The following TRPM1 variants were observed in gnomAD, a reference collection of about 807,000 sequenced individuals.
TRPM1 encodes transient receptor potential cation channel subfamily M member 1.
Under a neutral mutation model 149.4 loss-of-function variants are expected in TRPM1, and 113 were observed. That is an observed-to-expected ratio of 0.76 (90% CI 0.65 to 0.88). The LOEUF (loss-of-function observed/expected upper bound fraction) is 0.88. Among genes scored for constraint, TRPM1 ranks in the 40% least tolerant of loss-of-function variants. The pLI is 0.00. For missense variants in TRPM1, 1,976 were observed against 2,038.7 expected (o/e 0.97, Z 0.59); for synonymous variants, 741 against 759.5 (o/e 0.98, Z 0.40).
At chr15:31,079,071 T>G (rs765298742) in intron 2 of TRPM1, among the ~76,000 whole-genome samples, 1 of 152,174 alleles carries the variant, frequency 6.6e-6, no homozygotes, top group African/African-American at 2.4e-5. Flanking sequence ...AGCACTGAGC[T>G]AAAATTAAAG....
intron 20 of TRPM1, among the ~76,000 whole-genome samples, chr15:31,037,197 A>G (rs185596806): frequency 3.3e-5 from 5 of 152,312 alleles, no homozygotes; most frequent in Admixed American, 3.3e-4. Flanking sequence ...CCAGGGCCTC[A>G]GAGAGGGCTG....
rs771840945 is a variant in TRPM1 at position 31,038,179 on chromosome 15, A to T, written c.2317-13T>A. 1.2e-6 allele frequency: 2 copies of T among 1,613,836 alleles called. No homozygotes were observed. Among genetic ancestry groups the T allele is most frequent in the Non-Finnish European group, 1.7e-6 (2 of 1,179,840 alleles). ...TCCCCATGATAACCTACGGAACATAAATTGATTTTTTAAGCTGTGGCAATT... is the reference window on the plus strand; with the variant it reads ...TCCCCATGATAACCTACGGAACATATATTGATTTTTTAAGCTGTGGCAATT... On this transcript the variant is annotated splice_polypyrimidine_tract_variant and intron_variant, in intron 18 of 27. Coordinates refer to ENST00000256552, the MANE Select transcript of TRPM1 (RefSeq NM_001252024.2).
intron 1 of TRPM1, among the ~76,000 whole-genome samples, chr15:31,111,153 G>A (rs140824922): frequency 1.0e-3 from 152 of 152,286 alleles, no homozygotes; most frequent in Middle Eastern, 3.4e-3. Flanking sequence ...CCTGGATCCT[G>A]CCATGAGTAA....
At chr15:31,099,591 C>T (rs913793909) in intron 1 of TRPM1, among the ~76,000 whole-genome samples, 2 of 152,188 alleles carry the variant, frequency 1.3e-5, no homozygotes, top group African/African-American at 2.4e-5. Flanking sequence ...TGTCATTTCA[C>T]TTCTTGTGCT....
At chr15:31,119,097 TG>T (rs1567066127) in intron 1 of TRPM1, among the ~76,000 whole-genome samples, 1 of 151,824 alleles carries the variant, frequency 6.6e-6, no homozygotes, top group African/African-American at 2.4e-5. Context: ...AAAAATTAGC[TG>T]GGCATGGTGG....
intron 1 of TRPM1, among the ~76,000 whole-genome samples, chr15:31,082,210 A>C (rs937291914): frequency 6.6e-6 from 1 of 152,176 alleles, no homozygotes; most frequent in Non-Finnish European, 1.5e-5. Flanking sequence ...GATACTGCCC[A>C]CTTGTGCAAA....
At chr15:31,026,073 T>G in intron 27 of TRPM1, 66 bp downstream of exon 27, 1 of 1,596,804 alleles carries the variant, frequency 6.3e-7, no homozygotes, top group African/African-American at 1.3e-5. Context: ...GCATCCCCCA[T>G]AGAGTGGGGC....
At chr15:31,039,647 TC>T (rs1163457290) in intron 18 of TRPM1, among the ~76,000 whole-genome samples, 2 of 152,226 alleles carry the variant, frequency 1.3e-5, no homozygotes, top group Non-Finnish European at 2.9e-5. Flanking sequence ...TTTCGTAGCT[TC>T]CTATTTTCTT....
At chr15:31,026,006 A>C (rs2032719649) in intron 27 of TRPM1, 133 bp downstream of exon 27, 5 of 1,349,450 alleles carry the variant, frequency 3.7e-6, no homozygotes, top group Non-Finnish European at 5.2e-6. Context: ...AACCACGTTA[A>C]AACCTAAAGT....
At position 31,145,017 on chromosome 15, in the gene TRPM1, C is replaced by T. The variant is rs542850553; in HGVS notation, c.54+15889G>A. ...AGGCGTGAGCCACCGCACCCAGCCCCGGCCTTGTTTTTGAGTTTTTATTAT... is the reference window on the plus strand; with the variant it reads ...AGGCGTGAGCCACCGCACCCAGCCCTGGCCTTGTTTTTGAGTTTTTATTAT... On this transcript the variant is annotated intron_variant, in intron 1 of 26. Coordinates refer to the TRPM1 transcript ENST00000542188. 5.9e-5 allele frequency among the ~76,000 whole-genome samples: 9 copies of T among 152,194 alleles called. No homozygotes were observed. In the East Asian group the frequency reaches 1.2e-3, roughly 20 times the overall value.
chr15:31,123,827 G>C (rs74010779), intron 1 of TRPM1, among the ~76,000 whole-genome samples: 1 of 152,130 alleles, frequency 6.6e-6, no homozygotes, highest in African/African-American at 2.4e-5. Context: ...CAGAAAATGG[G>C]CTCCTAGGCA....
At chr15:31,050,732 A>G (rs2033926540) in intron 11 of TRPM1, 150 bp from the exon 12 acceptor site, 2 of 831,284 alleles carry the variant, frequency 2.4e-6, no homozygotes, top group Middle Eastern at 3.3e-4. Context: ...CAGTGCACAC[A>G]TATGCCCACA....
At chr15:31,081,144 G>C (rs955967424) in intron 2 of TRPM1, among the ~76,000 whole-genome samples, 2 of 152,214 alleles carry the variant, frequency 1.3e-5, no homozygotes, top group Admixed American at 1.3e-4. Flanking sequence ...CCGAAAAGGA[G>C]GGCTTTTCAT....
chr15:31,029,477 A>C (rs1251478586), intron 23 of TRPM1, 86 bp from the exon 24 acceptor site: 7 of 1,348,182 alleles, frequency 5.2e-6, no homozygotes, highest in Non-Finnish European at 7.4e-6. Flanking sequence ...GGTTGAGAGA[A>C]AAGTAAAACA....
chr15:31,107,092 C>T (rs371511921), intron 1 of TRPM1, among the ~76,000 whole-genome samples: 72 of 152,264 alleles, frequency 4.7e-4, no homozygotes, highest in Middle Eastern at 6.8e-3. Context: ...AATGACTCCC[C>T]GCCACTTATA....
intron 1 of TRPM1, among the ~76,000 whole-genome samples, chr15:31,156,685 T>C (rs2036381928): frequency 1.3e-5 from 2 of 152,198 alleles, no homozygotes; most frequent in Non-Finnish European, 2.9e-5. Context: ...CGTCTCCCTA[T>C]AATGTATAAA....
intron 24 of TRPM1, 40 bp from the exon 25 acceptor site, chr15:31,028,516 T>A (rs760016468): frequency 1.2e-6 from 2 of 1,603,568 alleles, no homozygotes; most frequent in Non-Finnish European, 1.7e-6. Context: ...TTTTTACATA[T>A]AATGAAAAGG....
At position 31,035,153 on chromosome 15, in the gene TRPM1, T is replaced by C. The variant is rs2033296392; in HGVS notation, c.2700+393A>G. 2.6e-5 allele frequency among the ~76,000 whole-genome samples: 4 copies of C among 152,294 alleles called. No homozygotes were observed. The South Asian group carries it at 8.3e-4, about 32-fold the overall frequency. The stretch of plus-strand genomic sequence containing the variant: ...CTGAGTAGCCGAAATTACAGGCAAC[T>C]GCCACACGACCGGCTAATTTTTGTA... On this transcript the variant is annotated intron_variant, in intron 21 of 27. Transcript: ENST00000256552.
chr15:31,146,724 C>T (rs893463436), intron 1 of TRPM1, among the ~76,000 whole-genome samples: 5 of 152,182 alleles, frequency 3.3e-5, no homozygotes, highest in African/African-American at 1.2e-4. Context: ...CGGTGGCTCA[C>T]GCCTGTATTC....
Sources: gnomAD v4.1 joint callset for allele counts (sites outside exome capture counted in the v4.1 genomes callset) on GRCh38, gnomAD v4.1.1 for gene constraint, MANE v1.5 for transcripts, NCBI Gene and HGNC (gene_info 2026-07-23, HGNC 2026-07-21) for gene names.